The following COL19A1 variants were observed in gnomAD, a reference collection of about 807,000 sequenced individuals.
The protein encoded by COL19A1 is collagen type XIX alpha 1 chain.
A neutral mutation model predicts 190.2 loss-of-function variants in COL19A1; 159 were observed. That is an observed-to-expected ratio of 0.84 (90% CI 0.73 to 0.95). The LOEUF (loss-of-function observed/expected upper bound fraction) is 0.95, where lower values mean the gene tolerates loss of function less well. COL19A1 is among the 40% of genes least tolerant of loss of function. The probability of loss-of-function intolerance (pLI) is 0.00; values close to 1 mark genes in which losing one functional copy is unlikely to be tolerated. For synonymous variants in COL19A1, 509 were observed against 458.9 expected (o/e 1.11, Z -1.39); for missense variants, 1,418 against 1,431.9 (o/e 0.99, Z 0.16).
At chr6:70,178,377 A>G (rs1765946134) in intron 42 of COL19A1, among the ~76,000 whole-genome samples, 1 of 152,198 alleles carries the variant, frequency 6.6e-6, no homozygotes, top group Non-Finnish European at 1.5e-5. Flanking sequence ...CCCTGTCTCA[A>G]AAAATAAAAT....
chr6:69,927,740 C>T (rs1772490223), intron 4 of COL19A1, among the ~76,000 whole-genome samples, 169 bp from the exon 5 acceptor site: 1 of 152,192 alleles, frequency 6.6e-6, no homozygotes, highest in South Asian at 2.1e-4. Context: ...CAAACTTTAA[C>T]AACACTGTAC....
At chr6:70,036,599 G>C (rs182947981) in intron 14 of COL19A1, among the ~76,000 whole-genome samples, 2 of 152,014 alleles carry the variant, frequency 1.3e-5, no homozygotes, top group Admixed American at 1.3e-4. Context: ...TTTTTCATAG[G>C]TGATTAAAGA....
chr6:69,937,932 A>G, intron 8 of COL19A1, 106 bp from the exon 9 acceptor site: 1 of 1,035,772 alleles, frequency 9.7e-7, no homozygotes, highest in Non-Finnish European at 1.5e-6. Flanking sequence ...AGCTCAGAGG[A>G]GAACAAAGCG....
Position 70,184,928 on chromosome 6 carries a change from C to T in COL19A1, c.2856+13C>T. Reference sequence around the variant, plus strand: ...CAAAGGAGAACGTGTATGTATATTACTATTGTGATTGTTATTCAAGTCTGT... The same window carrying T: ...CAAAGGAGAACGTGTATGTATATTATTATTGTGATTGTTATTCAAGTCTGT... On this transcript the variant is annotated intron_variant, in intron 46 of 50. Transcript: ENST00000620364. 2 of 1,607,900 alleles carry T rather than the reference C, an allele frequency of 1.2e-6. No homozygotes were observed. The highest frequency in any genetic ancestry group is 4.5e-5 in the East Asian group (2 of 44,774).
At chr6:69,906,313 G>A (rs1770546173) in intron 4 of COL19A1, among the ~76,000 whole-genome samples, 1 of 152,168 alleles carries the variant, frequency 6.6e-6, no homozygotes, top group Non-Finnish European at 1.5e-5. Flanking sequence ...TACCAAGGAA[G>A]TGAGTTTTCT....
At chr6:69,870,149 ATTTG>A (rs1449916566) in intron 1 of COL19A1, among the ~76,000 whole-genome samples, 2 of 152,104 alleles carry the variant, frequency 1.3e-5, no homozygotes, top group Non-Finnish European at 1.5e-5. Flanking sequence ...CCAACCTTTG[ATTTG>A]TTTATTTTTA....
chr6:69,926,991 A>G (rs1364735055), intron 4 of COL19A1, among the ~76,000 whole-genome samples: 1 of 152,162 alleles, frequency 6.6e-6, no homozygotes, highest in Non-Finnish European at 1.5e-5. Flanking sequence ...AAGGAAAAAG[A>G]CTGTAAATCA....
At chr6:69,921,249 CATATATCATATCATATATCAT>C (rs1356010733) in intron 4 of COL19A1, among the ~76,000 whole-genome samples, 1 of 129,028 alleles carries the variant, frequency 7.8e-6, no homozygotes, top group Non-Finnish European at 1.5e-5. Context: ...CCATATATGT[CATATATCATATCATATATCAT>C]ATATATCATA....
rs540252050 is a variant in COL19A1, at chr6:70,040,971, A to G, written c.1170+5032A>G. ...GTGGAACATCTGGAAACTATTTTGT[A>G]AAACAGTGTCCAAGAGGCTTCCCTT... On this transcript the variant is annotated intron_variant, in intron 14 of 50. Transcript: ENST00000620364. 7.1e-4 allele frequency among the ~76,000 whole-genome samples: 108 copies of G among 152,334 alleles called. 1 individual carries two copies. Among genetic ancestry groups the G allele is most frequent in the African/African-American group, 2.6e-3 (107 of 41,582 alleles).
intron 9 of COL19A1, among the ~76,000 whole-genome samples, chr6:69,942,568 A>C (rs1217214158): frequency 6.6e-6 from 1 of 151,696 alleles, no homozygotes; most frequent in Non-Finnish European, 1.5e-5. Context: ...TCTACTCTCT[A>C]CTTCTATGAG....
intron 42 of COL19A1, among the ~76,000 whole-genome samples, chr6:70,180,024 AG>A (rs1766068494): frequency 6.6e-6 from 1 of 152,182 alleles, no homozygotes; most frequent in African/African-American, 2.4e-5. Flanking sequence ...CTGGGATTAC[AG>A]GCACGTCCCA....
intron 46 of COL19A1, 94 bp downstream of exon 46, chr6:70,185,009 A>G: frequency 8.6e-7 from 1 of 1,165,332 alleles, no homozygotes; most frequent in Non-Finnish European, 1.2e-6. Flanking sequence ...GACCCCTGCA[A>G]ATCACCAAAT....
intron 11 of COL19A1, among the ~76,000 whole-genome samples, chr6:69,972,102 G>A (rs186037958): frequency 2.0e-5 from 3 of 152,094 alleles, no homozygotes; most frequent in Admixed American, 2.0e-4. Context: ...TGTGCCAGGC[G>A]CTCTCCTGAC....
At chr6:70,174,305 C>G (rs372118991) in intron 41 of COL19A1, among the ~76,000 whole-genome samples, 1 of 152,298 alleles carries the variant, frequency 6.6e-6, no homozygotes, top group East Asian at 1.9e-4. Context: ...CAGTGGCTCA[C>G]GCCTGTAATC....
intron 18 of COL19A1, among the ~76,000 whole-genome samples, chr6:70,133,818 A>G (rs1280084535): frequency 1.3e-5 from 2 of 152,242 alleles, no homozygotes; most frequent in African/African-American, 4.8e-5. Context: ...AGGTTCAGGT[A>G]GAAAATGCTT....
chr6:70,063,548 A>G (rs1780976896), intron 14 of COL19A1, among the ~76,000 whole-genome samples: 1 of 152,142 alleles, frequency 6.6e-6, no homozygotes, highest in African/African-American at 2.4e-5. Flanking sequence ...TAAAATTGAC[A>G]CCCCAACATC....
intron 40 of COL19A1, among the ~76,000 whole-genome samples, chr6:70,171,019 T>C (rs865999681): frequency 6.6e-6 from 1 of 152,196 alleles, no homozygotes. Flanking sequence ...CTCCCCACTT[T>C]ATCTCTTTTT....
At chr6:70,062,413 T>G (rs997552898) in intron 14 of COL19A1, among the ~76,000 whole-genome samples, 1 of 151,056 alleles carries the variant, frequency 6.6e-6, no homozygotes, top group Non-Finnish European at 1.5e-5. Context: ...TAAAATAATT[T>G]ACAGACAGGC....
chr6:70,195,195 G>A (rs556068334), intron 48 of COL19A1, among the ~76,000 whole-genome samples: 1 of 147,532 alleles, frequency 6.8e-6, no homozygotes, highest in East Asian at 2.0e-4. Context: ...CCACCACATA[G>A]TCTCTGTTTC....
Sources: allele counts gnomAD v4.1 joint callset (sites outside exome capture counted in the v4.1 genomes callset), GRCh38; gene constraint gnomAD v4.1.1; transcripts MANE v1.5; gene names NCBI Gene and HGNC (gene_info 2026-07-23, HGNC 2026-07-21).